Variants in ESYT3 observed in about 807,000 individuals in gnomAD.
ESYT3 encodes extended synaptotagmin 3, also known as extended synaptotagmin-3.
A neutral mutation model predicts 111.5 loss-of-function variants in ESYT3; 101 were observed. That is an observed-to-expected ratio of 0.91 (90% confidence interval 0.77 to 1.07). The LOEUF is 1.07. Ranked by LOEUF, ESYT3 falls within the 50% of genes least tolerant of loss-of-function variation. The probability of loss-of-function intolerance (pLI) is 0.00; values close to 1 mark genes in which losing one functional copy is unlikely to be tolerated. For synonymous variants in ESYT3, 416 were observed against 446.8 expected, an observed-to-expected ratio of 0.93 and a Z score of 0.87; for missense variants, 1,097 against 1,109.4, an observed-to-expected ratio of 0.99 and a Z score of 0.16.
chr3:138,455,451 AG>A, intron 3 of ESYT3, 123 bp downstream of exon 3: 1 of 1,062,696 alleles, frequency 9.4e-7, no homozygotes, highest in Middle Eastern at 3.0e-4. Context: ...TGGACCTTAC[AG>A]GGGGACACCC....
chr3:138,477,278 C>T lies in ESYT3; in HGVS notation c.*424C>T, dbSNP rs1322725491. On this transcript the variant is annotated 3_prime_UTR_variant, in exon 23 of 23. Transcript: ENST00000389567. ...GGGAGGTCTGTTTCTGGAGCCACTA[C>T]CAGCATTCCTGGGCAGTGACTGGCC... 1 of 155,822 alleles carries T rather than the reference C, an allele frequency of 6.4e-6. No homozygotes were observed. The allele number at this position is 155,822 out of a possible 1,614,324, so 9.7% of individuals were successfully genotyped here. A position where few individuals can be genotyped will look rare whatever the true frequency, so the allele number is the denominator to read the frequency against.
chr3:138,451,900 G>T, intron 1 of ESYT3, 148 bp from the exon 2 acceptor site: 1 of 814,544 alleles, frequency 1.2e-6, no homozygotes. Flanking sequence ...GGTGCGGAGA[G>T]CGCACCTGTG....
chr3:138,454,526 C>T (rs767479420), intron 2 of ESYT3, among the ~76,000 whole-genome samples: 12 of 152,192 alleles, frequency 7.9e-5, no homozygotes, highest in Non-Finnish European at 1.6e-4. Context: ...CATTGCACTC[C>T]AGCCTGGGCA....
chr3:138,472,663 GAGA>G lies in ESYT3; in HGVS notation c.2048_2050del (p.Lys683del), dbSNP rs776332862. 1.7e-5 allele frequency: 28 copies of G among 1,614,124 alleles called. No homozygotes were observed. The highest frequency in any genetic ancestry group is 2.2e-5 in the East Asian group (1 of 44,896). On this transcript the variant is annotated inframe_deletion, in exon 18 of 23. Coordinates refer to ENST00000389567, the MANE Select transcript of ESYT3 (RefSeq NM_031913.5). ...CAAAAGGTTCTGTGAGCCCATCGGGGAGAAGAAGAGTCCAGCCACCATCTTCCT... is the reference window on the plus strand; with the variant it reads ...CAAAAGGTTCTGTGAGCCCATCGGGGAGAAGAGTCCAGCCACCATCTTCCT...
Position 138,448,569 on chromosome 3 carries a change from G to T in ESYT3, c.328-3479G>T, listed in dbSNP as rs1336628552. On this transcript the variant is annotated intron_variant, in intron 1 of 22. Coordinates refer to ENST00000389567, the MANE Select transcript of ESYT3 (RefSeq NM_031913.5). ...GTCTCACCTTATGTAAAAAAATCCA[G>T]AGAGATTAAAGACCTAAACGTGAAA... Among the ~76,000 whole-genome samples the T allele has an allele frequency of 1.3e-5, 2 of 152,038 alleles. 1 individual carries two copies. Among genetic ancestry groups the T allele is most frequent in the African/African-American group, 4.8e-5 (2 of 41,408 alleles).
In ESYT3 at chr3:138,476,346, T is replaced by A. The variant is rs1343458295; in HGVS notation, c.2574+18T>A. On this transcript the variant is annotated intron_variant, in intron 21 of 22. Coordinates refer to ENST00000389567, the MANE Select transcript of ESYT3 (RefSeq NM_031913.5). ...TAGGAAAAGTAAGTACAAGAGATAT[T>A]TGATATACCAAGGAGATTATGATCA... 6.2e-7 allele frequency: 1 copy of A among 1,604,598 alleles called. No individual in the cohort carries two copies. The highest frequency in any genetic ancestry group is 1.7e-5 in the Admixed American group (1 of 59,960).
At chr3:138,454,788 A>AT (rs919655868) in intron 2 of ESYT3, among the ~76,000 whole-genome samples, 2 of 152,168 alleles carry the variant, frequency 1.3e-5, no homozygotes, top group Non-Finnish European at 2.9e-5. Context: ...ACAGGAAACA[A>AT]TTTAACTTTC....
chr3:138,452,620 T>G (rs1442749871), intron 2 of ESYT3, among the ~76,000 whole-genome samples: 2 of 152,158 alleles, frequency 1.3e-5, no homozygotes, highest in East Asian at 1.9e-4. Flanking sequence ...CCAAGGAGGC[T>G]CCTGCTGGAT....
At chr3:138,446,228 A>G (rs1257537646) in intron 1 of ESYT3, among the ~76,000 whole-genome samples, 2 of 152,238 alleles carry the variant, frequency 1.3e-5, no homozygotes, top group African/African-American at 2.4e-5. Flanking sequence ...AGAGGTTTCT[A>G]TAAAACCCCT....
At chr3:138,450,030 CCA>C (rs2031821420) in intron 1 of ESYT3, among the ~76,000 whole-genome samples, 1 of 152,212 alleles carries the variant, frequency 6.6e-6, no homozygotes, top group African/African-American at 2.4e-5. Flanking sequence ...TCACTTATCC[CCA>C]ACTTGGGACA....
At chr3:138,466,479 G>C (rs2032934033) in intron 10 of ESYT3, among the ~76,000 whole-genome samples, 1 of 152,154 alleles carries the variant, frequency 6.6e-6, no homozygotes, top group South Asian at 2.1e-4. Flanking sequence ...GAAAACAGTT[G>C]CAATTTTTGT....
At position 138,474,298 on chromosome 3, in the gene ESYT3, G is replaced by A. The variant is rs376062578; in HGVS notation, c.2414G>A (p.Cys805Tyr). The change falls in exon 20 of 23, where the codon TGT becomes TAT. Residue 805 changes from cysteine (C) to tyrosine (Y), a missense_variant. Coordinates refer to ENST00000389567, the MANE Select transcript of ESYT3 (RefSeq NM_031913.5). ...TTGTTGCCAGAAAGGAAGTGGGCAT[G>A]TCGTAAGAAGACTTCAGTGAAGCGG... is the stretch of plus-strand genomic sequence containing the variant. The part of the protein sequence containing the change: ...VYLLPERKWA[C>Y]RKKTSVKRKT... 2 of 1,607,730 alleles carry A rather than the reference G, an allele frequency of 1.2e-6. No homozygotes were observed. The highest frequency in any genetic ancestry group is 2.7e-5 in the African/African-American group (2 of 74,294).
intron 8 of ESYT3, chr3:138,462,556 T>C (rs2032706474): frequency 2.4e-6 from 1 of 423,702 alleles, no homozygotes; most frequent in Non-Finnish European, 4.2e-6. Context: ...TAGTTGTACA[T>C]TTCCAAAGTC....
intron 1 of ESYT3, among the ~76,000 whole-genome samples, chr3:138,448,756 C>G (rs1035501810): frequency 6.6e-6 from 1 of 152,188 alleles, no homozygotes; most frequent in Non-Finnish European, 1.5e-5. Flanking sequence ...GAATCAGTCT[C>G]TATGATTTCA....
At chr3:138,450,617 T>C (rs1318266860) in intron 1 of ESYT3, among the ~76,000 whole-genome samples, 4 of 151,932 alleles carry the variant, frequency 2.6e-5, no homozygotes, top group Middle Eastern at 3.2e-3. Context: ...GTCCCAAGAG[T>C]CTCAGAAGCA....
At chr3:138,437,801 G>T (rs535264446) in intron 1 of ESYT3, among the ~76,000 whole-genome samples, 2 of 152,070 alleles carry the variant, frequency 1.3e-5, no homozygotes, top group Non-Finnish European at 2.9e-5. Flanking sequence ...TAGAGTAGGG[G>T]TGCAGGGGGA....
rs1452408759 is a variant in ESYT3 at position 138,440,981 on chromosome 3, T to C, written c.327+5856T>C. Among the ~76,000 whole-genome samples, 1 of 152,190 alleles carries C rather than the reference T, an allele frequency of 6.6e-6. No homozygotes were observed. The highest frequency in any genetic ancestry group is 6.5e-5 in the Admixed American group (1 of 15,268). ...GACCTGCAAGGGCAGCCTCTTCTGA[T>C]AGAGCATGATCAGTTCTCTGAGGTG... On this transcript the variant is annotated intron_variant, in intron 1 of 22. Transcript: ENST00000389567. The surrounding 1 kb of genome is among the most constrained non-coding windows in gnomAD (Gnocchi z 4.2).
intron 1 of ESYT3, among the ~76,000 whole-genome samples, chr3:138,437,629 G>A (rs1013058928): frequency 6.6e-6 from 1 of 152,196 alleles, no homozygotes; most frequent in Non-Finnish European, 1.5e-5. Flanking sequence ...GCTGGAAGGA[G>A]CCTTGGATGC....
intron 6 of ESYT3, 129 bp downstream of exon 6, chr3:138,460,163 C>T: frequency 1.4e-6 from 1 of 730,614 alleles, no homozygotes; most frequent in African/African-American, 1.8e-5. Context: ...GGCAGTCACA[C>T]TCCTTATCTC....
Sources: gnomAD v4.1 joint callset for allele counts (sites outside exome capture counted in the v4.1 genomes callset) on GRCh38, gnomAD v4.1.1 for gene constraint, Gnocchi (gnomAD v3.1) non-coding constraint, MANE v1.5 for transcripts, NCBI Gene and HGNC (gene_info 2026-07-23, HGNC 2026-07-21) for gene names.